The following ACTR3 variants were observed in gnomAD, a reference collection of about 807,000 sequenced individuals.
ACTR3 encodes actin-related protein 3.
ACTR3 carries 12 observed loss-of-function variants against 56.8 expected under a neutral mutation model. That is an observed-to-expected ratio of 0.21 (90% confidence interval 0.14 to 0.34). The LOEUF is 0.34. Among genes scored for constraint, ACTR3 ranks in the 10% least tolerant of loss-of-function variants. The probability of loss-of-function intolerance (pLI) is 1.00; values close to 1 mark genes in which losing one functional copy is unlikely to be tolerated. For synonymous variants in ACTR3, 162 were observed against 167.4 expected, an observed-to-expected ratio of 0.97 and a Z score of 0.25; for missense variants, 282 against 512.5, an observed-to-expected ratio of 0.55 and a Z score of 4.34.
At chr2:113,895,057 G>GT (rs1181340903) in intron 1 of ACTR3, among the ~76,000 whole-genome samples, 2 of 114,070 alleles carry the variant, frequency 1.8e-5, no homozygotes, top group African/African-American at 4.6e-5. Context: ...CTTGGTTTAG[G>GT]TTCCCCCCCC....
At chr2:113,931,934 C>T (rs1353715375) in intron 5 of ACTR3, among the ~76,000 whole-genome samples, 4 of 148,664 alleles carry the variant, frequency 2.7e-5, no homozygotes, top group Admixed American at 1.4e-4. Flanking sequence ...CCTGACATAA[C>T]ACAAATGCTT....
At chr2:113,947,909 A>G (rs1265283669) in intron 8 of ACTR3, among the ~76,000 whole-genome samples, 3 of 152,078 alleles carry the variant, frequency 2.0e-5, no homozygotes, top group East Asian at 3.9e-4. Context: ...TTCTCTTTTT[A>G]AAAAACCTGT....
rs181710314 is a variant in ACTR3 at position 113,956,925 on chromosome 2, G to A, written c.1162-435G>A. Among the ~76,000 whole-genome samples, 102 of 152,326 alleles carry A rather than the reference G, an allele frequency of 6.7e-4. 1 individual carries two copies. Among genetic ancestry groups the A allele is most frequent in the Non-Finnish European group, 2.2e-4 (15 of 68,020 alleles). On this transcript the variant is annotated intron_variant, in intron 11 of 11. Coordinates refer to ENST00000263238, the MANE Select transcript of ACTR3 (RefSeq NM_005721.5). ...TCTTTTCCAGACCTTGAATGAGGAA[G>A]GCAAATGATCTAGACATTTCTTAGA...
At chr2:113,901,228 G>C (rs1448616080) in intron 1 of ACTR3, among the ~76,000 whole-genome samples, 1 of 152,228 alleles carries the variant, frequency 6.6e-6, no homozygotes, top group African/African-American at 2.4e-5. Context: ...TGAGGCAGGA[G>C]AATTGCTTGA....
At chr2:113,919,440 A>G (rs1256380146) in intron 3 of ACTR3, among the ~76,000 whole-genome samples, 1 of 152,040 alleles carries the variant, frequency 6.6e-6, no homozygotes, top group Non-Finnish European at 1.5e-5. Context: ...AAAATTTCCT[A>G]TATTCTAGGG....
At chr2:113,940,522 G>A (rs1679904804) in intron 7 of ACTR3, among the ~76,000 whole-genome samples, 1 of 152,082 alleles carries the variant, frequency 6.6e-6, no homozygotes, top group Admixed American at 6.5e-5. Flanking sequence ...TAGAAGCAGT[G>A]CTTGGCTCAA....
At chr2:113,935,570 T>A (rs752484686) in intron 6 of ACTR3, among the ~76,000 whole-genome samples, 1 of 152,244 alleles carries the variant, frequency 6.6e-6, no homozygotes, top group Non-Finnish European at 1.5e-5. Flanking sequence ...AATATTTCAT[T>A]ATGTGGATAT....
intron 8 of ACTR3, among the ~76,000 whole-genome samples, chr2:113,950,311 C>T (rs1212691377): frequency 6.6e-6 from 1 of 152,184 alleles, no homozygotes; most frequent in Non-Finnish European, 1.5e-5. Flanking sequence ...GAGCAGTATG[C>T]TTGGGGGCCA....
intron 2 of ACTR3, among the ~76,000 whole-genome samples, chr2:113,914,631 AAAG>A (rs1471274542): frequency 4.2e-5 from 6 of 141,924 alleles, no homozygotes; most frequent in South Asian, 4.4e-4. Flanking sequence ...AAAAAAAAAA[AAAG>A]AAAGAAAAAG....
intron 1 of ACTR3, among the ~76,000 whole-genome samples, chr2:113,910,351 C>A (rs1679284746): frequency 3.3e-5 from 5 of 152,152 alleles, no homozygotes; most frequent in Admixed American, 2.6e-4. Context: ...TTCCTACACA[C>A]CTCACCCTGT....
At chr2:113,915,394 G>A (rs571815846) in intron 2 of ACTR3, among the ~76,000 whole-genome samples, 1 of 152,190 alleles carries the variant, frequency 6.6e-6, no homozygotes, top group African/African-American at 2.4e-5. Context: ...CCCTTTCTAT[G>A]AGGACACTAG....
At position 113,915,281 on chromosome 2, in the gene ACTR3, TC is replaced by T. The variant is rs532811638; in HGVS notation, c.101-1601del. The stretch of plus-strand genomic sequence containing the variant: ...CTGGTGTCTTCTGGCTTCTGATGTT[TC>T]CTCAGGATCCTTGGCTGATAGATGC... On this transcript the variant is annotated intron_variant, in intron 2 of 11. Coordinates refer to ENST00000263238, the MANE Select transcript of ACTR3 (RefSeq NM_005721.5). Among the ~76,000 whole-genome samples, 10 of 152,334 alleles carry T rather than the reference TC, an allele frequency of 6.6e-5. No homozygotes were observed. In the East Asian group the frequency reaches 9.7e-4, roughly 15 times the overall value.
Position 113,960,248 on chromosome 2 carries a change from A to C in ACTR3, c.*2793A>C, listed in dbSNP as rs748144254. The C allele has an allele frequency of 5.3e-5, 8 of 152,138 alleles. No individual in the cohort carries two copies. The South Asian group carries it at 1.4e-3, about 28-fold the overall frequency. 9.4% of individuals were successfully genotyped at this position (152,138 alleles called of 1,614,324 possible). Reference sequence around the variant, plus strand: ...GAGCAAATTTCACATCTTCACCCTTAGACATTAATTCATGGCACCTACTAT... The same window carrying C: ...GAGCAAATTTCACATCTTCACCCTTCGACATTAATTCATGGCACCTACTAT... On this transcript the variant is annotated 3_prime_UTR_variant, in exon 12 of 12. Coordinates refer to ENST00000263238, the MANE Select transcript of ACTR3 (RefSeq NM_005721.5).
intron 1 of ACTR3, among the ~76,000 whole-genome samples, chr2:113,896,644 T>A (rs1015264903): frequency 6.6e-6 from 1 of 152,254 alleles, no homozygotes; most frequent in Non-Finnish European, 1.5e-5. Flanking sequence ...GGAATCATAA[T>A]TTGTTAACTG....
intron 1 of ACTR3, among the ~76,000 whole-genome samples, chr2:113,911,324 G>A (rs565708590): frequency 2.0e-5 from 3 of 151,400 alleles, no homozygotes; most frequent in Non-Finnish European, 4.4e-5. Context: ...GAACAGTGGG[G>A]AACTGTTGAA....
intron 1 of ACTR3, among the ~76,000 whole-genome samples, chr2:113,891,715 C>T (rs1678905544): frequency 6.6e-6 from 1 of 151,732 alleles, no homozygotes; most frequent in African/African-American, 2.4e-5. Flanking sequence ...AATCTTCATT[C>T]TCATAACTAG....
chr2:113,924,563 T>C (rs114112085), intron 3 of ACTR3, among the ~76,000 whole-genome samples: 9,512 of 152,288 alleles, frequency 0.062, 425 homozygotes, highest in Non-Finnish European at 0.094. Flanking sequence ...TGCTGTTTTA[T>C]TTCTTATAGA....
rs1230091679 is a variant in ACTR3, at chr2:113,944,172, G to A, written c.858+1813G>A. ...ATCATAGGGGAGGCGTTTCAATGGAGTGATACGTTAGAGCAGCTTGTTACT... is the reference window on the plus strand; with the variant it reads ...ATCATAGGGGAGGCGTTTCAATGGAATGATACGTTAGAGCAGCTTGTTACT... On this transcript the variant is annotated intron_variant, in intron 8 of 11. Coordinates refer to ENST00000263238, the MANE Select transcript of ACTR3 (RefSeq NM_005721.5). 4.6e-5 allele frequency among the ~76,000 whole-genome samples: 7 copies of A among 152,176 alleles called. No individual in the cohort carries two copies. The South Asian group carries it at 1.2e-3, about 27-fold the overall frequency.
chr2:113,935,623 G>C (rs1051581428), intron 6 of ACTR3, among the ~76,000 whole-genome samples: 9 of 152,156 alleles, frequency 5.9e-5, no homozygotes, highest in South Asian at 2.1e-4. Flanking sequence ...AGTAAGCTTG[G>C]AAATTAGGAC....
Sources: allele counts gnomAD v4.1 joint callset (sites outside exome capture counted in the v4.1 genomes callset), GRCh38; gene constraint gnomAD v4.1.1; transcripts MANE v1.5; gene names NCBI Gene and HGNC (gene_info 2026-07-23, HGNC 2026-07-21).